MYO18B: variants seen among roughly 807,000 people sequenced by gnomAD.
MYO18B encodes the protein myosin XVIIIB.
A neutral mutation model predicts 273.0 loss-of-function variants in MYO18B; 204 were observed. The observed-to-expected ratio is 0.75, with a 90% CI of 0.67 to 0.84. The LOEUF (loss-of-function observed/expected upper bound fraction) is 0.84, where lower values mean the gene tolerates loss of function less well. Ranked by LOEUF, MYO18B falls within the 40% of genes least tolerant of loss-of-function variation. The pLI, the probability that MYO18B is intolerant of heterozygous loss-of-function variation, is 0.00. For missense variants in MYO18B, 3,212 were observed against 3,287.6 expected (o/e 0.98, Z 0.56); for synonymous variants, 1,330 against 1,305.7 (o/e 1.02, Z -0.40).
chr22:25,747,947 T>C (rs1349546332), intron 1 of MYO18B, among the ~76,000 whole-genome samples: 1 of 152,108 alleles, frequency 6.6e-6, no homozygotes, highest in African/African-American at 2.4e-5. Flanking sequence ...CACTCTTAGA[T>C]CTAAGACTTC....
At chr22:25,802,710 G>A (rs868845414) in intron 12 of MYO18B, among the ~76,000 whole-genome samples, 1 of 145,060 alleles carries the variant, frequency 6.9e-6, no homozygotes, top group Non-Finnish European at 1.5e-5. Flanking sequence ...CTGAGATCGC[G>A]CTGCTGCACT....
At chr22:25,794,311 A>G (rs536505020) in intron 11 of MYO18B, among the ~76,000 whole-genome samples, 6 of 151,660 alleles carry the variant, frequency 4.0e-5, no homozygotes, top group South Asian at 2.1e-4. Flanking sequence ...GGCTCAAGCA[A>G]TCGTCCCGCC....
At chr22:25,892,453 C>T (rs1182513338) in intron 27 of MYO18B, 2 of 152,142 alleles carry the variant, frequency 1.3e-5, no homozygotes, top group Non-Finnish European at 2.9e-5. Context: ...TCCTGGAGAC[C>T]TCGTGATTGG....
intron 39 of MYO18B, among the ~76,000 whole-genome samples, chr22:25,968,500 A>G (rs1345707490): frequency 4.6e-5 from 7 of 151,770 alleles, no homozygotes; most frequent in South Asian, 2.1e-4. Context: ...TCTAGGTTTT[A>G]TCTTCTCTGC....
chr22:25,792,143 T>C (rs1033382985), intron 11 of MYO18B, among the ~76,000 whole-genome samples: 1 of 152,184 alleles, frequency 6.6e-6, no homozygotes, highest in African/African-American at 2.4e-5. Context: ...ACACCAAGGA[T>C]TGGGGGCTCA....
chr22:25,875,411 C>T (rs939415201), intron 23 of MYO18B, among the ~76,000 whole-genome samples: 5 of 152,232 alleles, frequency 3.3e-5, no homozygotes, highest in African/African-American at 7.2e-5. Context: ...CTAGCACTTA[C>T]GAGCCTCAAT....
At chr22:25,805,804 G>A (rs1048516545) in intron 12 of MYO18B, among the ~76,000 whole-genome samples, 1 of 152,114 alleles carries the variant, frequency 6.6e-6, no homozygotes, top group African/African-American at 2.4e-5. Context: ...AAGAGCTGTG[G>A]TATGGCAGTC....
intron 39 of MYO18B, among the ~76,000 whole-genome samples, chr22:25,956,327 T>A (rs1241980943): frequency 6.6e-6 from 1 of 151,926 alleles, no homozygotes; most frequent in Non-Finnish European, 1.5e-5. Context: ...GCGATTCTCG[T>A]GGCTCAGCTT....
In MYO18B at chr22:25,908,422, G is replaced by A. The variant is rs1444229807; in HGVS notation, c.5249G>A (p.Cys1750Tyr). The change falls in exon 32 of 44, where the codon TGC (cysteine) becomes TAC (tyrosine). Residue 1750 changes from cysteine to tyrosine, a missense_variant. Coordinates refer to ENST00000335473, the MANE Select transcript of MYO18B (RefSeq NM_032608.7). ...EEELEDVRQSCQKRLHQLEMQ... is the reference protein window; with the variant it reads ...EEELEDVRQSYQKRLHQLEMQ... ...GAACTGGAGGATGTCCGTCAGTCCT[G>A]CCAGAAGCGGGTACGTGAGCAGTGA... is the stretch of plus-strand genomic sequence containing the variant. 2 of 1,587,806 alleles carry A rather than the reference G, an allele frequency of 1.3e-6. No individual in the cohort carries two copies. The highest frequency in any genetic ancestry group is 4.6e-5 in the East Asian group (2 of 43,596).
the MYO18B span, among the ~76,000 whole-genome samples, chr22:26,046,531 A>G: frequency 5.3e-5 from 8 of 152,156 alleles, no homozygotes; most frequent in Non-Finnish European, 1.0e-4. Flanking sequence ...CTACCAGGAA[A>G]ATATCCAAAT....
chr22:25,754,369 A>G (rs2086041080), intron 1 of MYO18B, among the ~76,000 whole-genome samples: 1 of 152,200 alleles, frequency 6.6e-6, no homozygotes, highest in South Asian at 2.1e-4. Context: ...TCGCTAGGAC[A>G]GGTGGTTATG....
chr22:25,809,642 G>A (rs5761240), intron 12 of MYO18B, among the ~76,000 whole-genome samples: 1 of 152,076 alleles, frequency 6.6e-6, no homozygotes, highest in African/African-American at 2.4e-5. Context: ...AGTTATCAGT[G>A]CTGGAATGGA....
At chr22:25,938,992 C>CTA (rs2146543226) in intron 34 of MYO18B, among the ~76,000 whole-genome samples, 1 of 152,232 alleles carries the variant, frequency 6.6e-6, no homozygotes, top group East Asian at 1.9e-4. Context: ...ATTTTTTGCT[C>CTA]TTTATAGAGA....
intron 11 of MYO18B, among the ~76,000 whole-genome samples, chr22:25,786,780 A>T (rs1169666056): frequency 1.3e-5 from 2 of 152,234 alleles, no homozygotes; most frequent in Non-Finnish European, 2.9e-5. Flanking sequence ...CACTTATCTG[A>T]TAAAGGATTT....
At chr22:25,826,934 G>A (rs2089514518) in intron 14 of MYO18B, among the ~76,000 whole-genome samples, 2 of 152,066 alleles carry the variant, frequency 1.3e-5, no homozygotes, top group Admixed American at 6.6e-5. Flanking sequence ...GGTGGTGGGC[G>A]CCTGTAATCC....
At chr22:26,063,522 C>T in the MYO18B span, among the ~76,000 whole-genome samples, 34 of 152,246 alleles carry the variant, frequency 2.2e-4, no homozygotes, top group African/African-American at 7.7e-4. Context: ...CCAGAGGGGG[C>T]AGTCAGGGCT....
intron 39 of MYO18B, among the ~76,000 whole-genome samples, chr22:25,960,929 A>G (rs1334434039): frequency 2.0e-5 from 3 of 152,064 alleles, no homozygotes; most frequent in Non-Finnish European, 4.4e-5. Flanking sequence ...TGGGAGGATC[A>G]CTTCAGGCCT....
chr22:25,768,848 C>T lies in MYO18B; in HGVS notation c.932C>T (p.Pro311Leu), dbSNP rs374001047. 8 of 1,612,544 alleles carry T rather than the reference C, an allele frequency of 5.0e-6. No individual in the cohort carries two copies. The highest frequency in any genetic ancestry group is 4.0e-5 in the African/African-American group (3 of 74,878). ...GGGAGTGAAGGGAAGCACGTAAGGC[C>T]CCAAATCCCTGGGAGAAAGTGGGGA... ...DVGSEGKHVR[P>L]QIPGRKWGGF... is the part of the protein sequence containing the mutation. The change falls in exon 4 of 44, where the codon CCC becomes CTC. Residue 311 changes from proline (P) to leucine (L), a missense_variant. Coordinates refer to ENST00000335473, the MANE Select transcript of MYO18B (RefSeq NM_032608.7).
At chr22:25,851,393 C>A in intron 20 of MYO18B, 77 bp from the exon 21 acceptor site, 1 of 972,464 alleles carries the variant, frequency 1.0e-6, no homozygotes, top group Non-Finnish European at 1.6e-6. Context: ...GCACTCCTGT[C>A]TAGGGGTTTA....
Sources: allele counts gnomAD v4.1 joint callset (sites outside exome capture counted in the v4.1 genomes callset), GRCh38; gene constraint gnomAD v4.1.1; transcripts MANE v1.5; gene names NCBI Gene and HGNC (gene_info 2026-07-23, HGNC 2026-07-21).